Variants in CNOT6L observed in about 807,000 individuals in gnomAD.
The protein encoded by CNOT6L is CCR4-NOT transcription complex subunit 6-like.
Under a neutral mutation model 64.0 loss-of-function variants are expected in CNOT6L, and 7 were observed. That is an observed-to-expected ratio of 0.11 (90% CI 0.06 to 0.21). The LOEUF is 0.21. Ranked by LOEUF, CNOT6L falls within the 10% of genes least tolerant of loss-of-function variation. The pLI is 1.00. For synonymous variants in CNOT6L, 193 were observed against 243.4 expected, an observed-to-expected ratio of 0.79 and a Z score of 1.93; for missense variants, 245 against 669.0, an observed-to-expected ratio of 0.37 and a Z score of 6.99.
intron 5 of CNOT6L, among the ~76,000 whole-genome samples, chr4:77,754,887 G>GTAAAAAAAAAAAAAA (rs1725292048): frequency 8.1e-5 from 1 of 12,304 alleles, no homozygotes; most frequent in Non-Finnish European, 1.8e-4. Context: ...AACATTAGAA[G>GTAAAAAAAAAAAAAA]TAAAAAAAAA....
At chr4:77,793,594 A>G (rs534678271) in intron 1 of CNOT6L, among the ~76,000 whole-genome samples, 1 of 151,866 alleles carries the variant, frequency 6.6e-6, no homozygotes, top group South Asian at 2.1e-4. Context: ...GACTTGGAAA[A>G]CTCTGAGGAC....
At chr4:77,731,718 C>A in intron 8 of CNOT6L, 180 bp from the exon 9 acceptor site, 1 of 480,480 alleles carries the variant, frequency 2.1e-6, no homozygotes, top group South Asian at 3.9e-5. Flanking sequence ...TCTCAGAGGC[C>A]CCACCTAACA....
intron 4 of CNOT6L, among the ~76,000 whole-genome samples, chr4:77,772,665 GTA>G (rs1727696588): frequency 6.6e-6 from 1 of 152,180 alleles, no homozygotes; most frequent in Non-Finnish European, 1.5e-5. Context: ...GCTCACATCT[GTA>G]ATACCAGCAC....
intron 1 of CNOT6L, among the ~76,000 whole-genome samples, chr4:77,788,671 T>A (rs1729742124): frequency 6.6e-6 from 1 of 152,118 alleles, no homozygotes; most frequent in Non-Finnish European, 1.5e-5. Flanking sequence ...GACGCTGCAG[T>A]GAGCCAAGAT....
intron 10 of CNOT6L, among the ~76,000 whole-genome samples, chr4:77,727,251 T>C (rs1553924066): frequency 3.3e-5 from 5 of 151,920 alleles, no homozygotes; most frequent in Non-Finnish European, 5.9e-5. Context: ...ATAACATGAT[T>C]CCCCCCTTGT....
At chr4:77,784,989 T>C (rs749508769) in intron 1 of CNOT6L, among the ~76,000 whole-genome samples, 5 of 152,188 alleles carry the variant, frequency 3.3e-5, no homozygotes, top group Non-Finnish European at 5.9e-5. Flanking sequence ...AGTACACTTC[T>C]GAAAAAGGTA....
At chr4:77,726,083 A>G in intron 11 of CNOT6L, 84 bp downstream of exon 11, 1 of 1,209,498 alleles carries the variant, frequency 8.3e-7, no homozygotes, top group African/African-American at 1.5e-5. Flanking sequence ...AGATTATACA[A>G]TTAATCATAA....
chr4:77,725,646 A>C (rs1721768028), intron 11 of CNOT6L, among the ~76,000 whole-genome samples: 1 of 152,216 alleles, frequency 6.6e-6, no homozygotes, highest in Admixed American at 6.5e-5. Context: ...TATAAAGTAG[A>C]ACCAAAGTAC....
At chr4:77,794,340 C>T (rs970404311) in intron 1 of CNOT6L, among the ~76,000 whole-genome samples, 2 of 151,770 alleles carry the variant, frequency 1.3e-5, no homozygotes, top group African/African-American at 4.8e-5. Flanking sequence ...TGCAAGAAAA[C>T]TATGGACTTC....
intron 11 of CNOT6L, among the ~76,000 whole-genome samples, chr4:77,724,281 G>C (rs1721591401): frequency 6.6e-6 from 1 of 151,280 alleles, no homozygotes; most frequent in Non-Finnish European, 1.5e-5. Flanking sequence ...GCCCAGGAGG[G>C]TGAAGCTGCA....
chr4:77,803,980 A>G (rs1578004790), intron 1 of CNOT6L, among the ~76,000 whole-genome samples: 1 of 152,196 alleles, frequency 6.6e-6, no homozygotes, highest in African/African-American at 2.4e-5. Flanking sequence ...CAATTCCTCA[A>G]AAAGTTAAAA....
rs1385814516 is a variant in CNOT6L at position 77,713,733 on chromosome 4, A to G, written c.*6698T>C. Reference sequence around the variant, plus strand: ...AGCTGAGCAGTTTTGGTCAAGATTCAGACCTCATCAACTGTTTAACTGTAA... The same window carrying G: ...AGCTGAGCAGTTTTGGTCAAGATTCGGACCTCATCAACTGTTTAACTGTAA... On this transcript the variant is annotated 3_prime_UTR_variant, in exon 12 of 12. Transcript: ENST00000504123. The G allele has an allele frequency of 6.6e-6, 1 of 152,596 alleles. No homozygotes were observed. The highest frequency in any genetic ancestry group is 1.5e-5 in the Non-Finnish European group (1 of 68,032). 9.5% of individuals were successfully genotyped at this position (152,596 alleles called of 1,614,324 possible).
chr4:77,735,008 A>G (rs766512346), intron 8 of CNOT6L, among the ~76,000 whole-genome samples: 6 of 152,154 alleles, frequency 3.9e-5, no homozygotes, highest in Non-Finnish European at 2.9e-5. Context: ...GCACATGGAG[A>G]TATACTGCTC....
chr4:77,733,481 T>G lies in CNOT6L; in HGVS notation c.873-1943A>C, dbSNP rs74974099. Among the ~76,000 whole-genome samples, 793 of 152,226 alleles carry G rather than the reference T, an allele frequency of 5.2e-3. 4 individuals carry two copies. Among genetic ancestry groups the G allele is most frequent in the Non-Finnish European group, 9.3e-3 (629 of 67,950 alleles). On this transcript the variant is annotated intron_variant, in intron 8 of 11. Transcript: ENST00000504123. ...TATTTGAAACATGTGAGTGAACATG[T>G]TATTTTCAAATTACAGTTCAATTAT...
intron 1 of CNOT6L, among the ~76,000 whole-genome samples, chr4:77,800,891 A>C (rs1324497796): frequency 1.3e-5 from 2 of 152,338 alleles, no homozygotes; most frequent in Non-Finnish European, 2.9e-5. Context: ...AGTTAAGGCC[A>C]ATGCTGACTC....
upstream of CNOT6L, chr4:77,819,370 C>T (rs984918571): frequency 6.2e-7 from 1 of 1,611,518 alleles, no homozygotes. Flanking sequence ...AACACACACA[C>T]AAACACGCGC....
chr4:77,804,029 T>C (rs964392470), intron 1 of CNOT6L, among the ~76,000 whole-genome samples: 1 of 152,110 alleles, frequency 6.6e-6, no homozygotes, highest in African/African-American at 2.4e-5. Context: ...CACTCTTAGG[T>C]ATACACCCAA....
chr4:77,724,929 C>G (rs1427630598), intron 11 of CNOT6L, among the ~76,000 whole-genome samples: 2 of 114,356 alleles, frequency 1.7e-5, no homozygotes, highest in African/African-American at 5.4e-5. Flanking sequence ...CTTCCCAACT[C>G]TATGTTCAAT....
At position 77,714,405 on chromosome 4, in the gene CNOT6L, T is replaced by C. The variant is rs1472286452; in HGVS notation, c.*6026A>G. On this transcript the variant is annotated 3_prime_UTR_variant, in exon 12 of 12. Transcript: ENST00000504123. Reference sequence around the variant, plus strand: ...GTGAATTTGACCAACACCCTGGCCCTTATAGAGAGAAAAAGTACATACACA... The same window carrying C: ...GTGAATTTGACCAACACCCTGGCCCCTATAGAGAGAAAAAGTACATACACA... 7.5e-6 allele frequency: 1 copy of C among 133,278 alleles called. No homozygotes were observed. The highest frequency in any genetic ancestry group is 2.9e-5 in the African/African-American group (1 of 34,680). The allele number at this position is 133,278 out of a possible 1,614,324, so 8.3% of individuals were successfully genotyped here.
Sources: gnomAD v4.1 joint callset for allele counts (sites outside exome capture counted in the v4.1 genomes callset) on GRCh38, gnomAD v4.1.1 for gene constraint, MANE v1.5 for transcripts, NCBI Gene and HGNC (gene_info 2026-07-23, HGNC 2026-07-21) for gene names.